The following AKAP13 variants were observed in gnomAD, a reference collection of about 807,000 sequenced individuals.
AKAP13 encodes the protein A-kinase anchor protein 13.
AKAP13 carries 80 observed loss-of-function variants against 264.5 expected under a neutral mutation model. The observed-to-expected ratio is 0.30, with a 90% CI of 0.25 to 0.36. AKAP13 has a LOEUF of 0.36. Ranked by LOEUF, AKAP13 falls within the 10% of genes least tolerant of loss-of-function variation. The pLI is 1.00. For missense variants in AKAP13, 3,712 were observed against 3,435.2 expected, an observed-to-expected ratio of 1.08 and a Z score of -2.01; for synonymous variants, 1,380 against 1,250.2, an observed-to-expected ratio of 1.10 and a Z score of -2.19.
At chr15:85,383,510 T>C (rs1465896072) in intron 1 of AKAP13, among the ~76,000 whole-genome samples, 1 of 152,226 alleles carries the variant, frequency 6.6e-6, no homozygotes, top group African/African-American at 2.4e-5. Context: ...ACTTAAGCAT[T>C]CTTAAAAGTC....
chr15:85,503,601 C>T (rs180854934), intron 2 of AKAP13, among the ~76,000 whole-genome samples: 6 of 152,222 alleles, frequency 3.9e-5, no homozygotes, highest in Non-Finnish European at 7.3e-5. Context: ...GCAGAGATGA[C>T]GATTGTGCAA....
intron 1 of AKAP13, among the ~76,000 whole-genome samples, chr15:85,395,871 A>G (rs537006149): frequency 1.8e-4 from 27 of 152,246 alleles, no homozygotes; most frequent in Middle Eastern, 6.8e-3. Context: ...TCACATGTCT[A>G]TCTTTCCTCC....
At position 85,477,225 on chromosome 15, in the gene AKAP13, A is replaced by G. The variant is rs193120854; in HGVS notation, c.-11-8485A>G. Reference sequence around the variant, plus strand: ...AATAGCATTTTAGGAAGGTTGAGTCAGAGGTGCGAGTGGGGCATAGAGAGA... The same window carrying G: ...AATAGCATTTTAGGAAGGTTGAGTCGGAGGTGCGAGTGGGGCATAGAGAGA... On this transcript the variant is annotated intron_variant, in intron 1 of 36. Transcript: ENST00000394518. Among the ~76,000 whole-genome samples, 561 of 151,982 alleles carry G rather than the reference A, an allele frequency of 3.7e-3. 5 individuals are homozygous for G. The highest frequency in any genetic ancestry group is 0.013 in the African/African-American group (532 of 41,468).
intron 7 of AKAP13, among the ~76,000 whole-genome samples, chr15:85,584,905 C>A (rs1275918531): frequency 6.6e-6 from 1 of 152,090 alleles, no homozygotes; most frequent in African/African-American, 2.4e-5. Flanking sequence ...TTTGACTGTT[C>A]AATCATGAGT....
chr15:85,642,397 T>G (rs762085872), intron 9 of AKAP13, among the ~76,000 whole-genome samples: 1 of 152,232 alleles, frequency 6.6e-6, no homozygotes, highest in East Asian at 1.9e-4. Context: ...TCTTTACTCT[T>G]GTTTACACTT....
rs139720467 is a variant in AKAP13, at chr15:85,737,086, T to C, written c.7557+952T>C. 4.9e-3 allele frequency among the ~76,000 whole-genome samples: 739 copies of C among 152,116 alleles called. 4 individuals carry two copies. Among genetic ancestry groups the C allele is most frequent in the African/African-American group, 0.017 (697 of 41,492 alleles). On this transcript the variant is annotated intron_variant, in intron 33 of 36. Coordinates refer to ENST00000394518, the MANE Select transcript of AKAP13 (RefSeq NM_007200.5). ...GGCATACGCCACTACACCTGACTAA[T>C]TTTTTGTATTTTTAGTAGAGACGAG... is the stretch of plus-strand genomic sequence containing the variant.
At chr15:85,493,900 C>G (rs2075801562) in intron 2 of AKAP13, among the ~76,000 whole-genome samples, 1 of 152,138 alleles carries the variant, frequency 6.6e-6, no homozygotes, top group Non-Finnish European at 1.5e-5. Flanking sequence ...CCATGTGTAT[C>G]CACAAAGGCA....
At chr15:85,381,342 T>C (rs371921631) in intron 1 of AKAP13, among the ~76,000 whole-genome samples, 1 of 151,492 alleles carries the variant, frequency 6.6e-6, no homozygotes, top group East Asian at 2.0e-4. Context: ...TCGGTGCCTC[T>C]CCGCGGCTTC....
At chr15:85,400,980 A>G (rs934144662) in intron 1 of AKAP13, among the ~76,000 whole-genome samples, 12 of 151,252 alleles carry the variant, frequency 7.9e-5, no homozygotes, top group African/African-American at 1.2e-4. Flanking sequence ...TCCTGCCTCA[A>G]CCTCCCAAGT....
chr15:85,451,274 G>A (rs75677156), intron 1 of AKAP13, among the ~76,000 whole-genome samples: 19,058 of 152,168 alleles, frequency 0.13, 1,562 homozygotes, highest in Non-Finnish European at 0.19. Context: ...TTCACTATGA[G>A]TGAGATGGGT....
chr15:85,637,487 CTG>C (rs2082114579), intron 8 of AKAP13, among the ~76,000 whole-genome samples: 1 of 152,158 alleles, frequency 6.6e-6, no homozygotes, highest in South Asian at 2.1e-4. Flanking sequence ...TGGTGTCACT[CTG>C]TAATTCCTGA....
intron 5 of AKAP13, among the ~76,000 whole-genome samples, chr15:85,571,786 C>T (rs1224832365): frequency 1.3e-5 from 2 of 152,184 alleles, no homozygotes; most frequent in Admixed American, 6.5e-5. Context: ...ATGGGACTTA[C>T]CCAGACCTGT....
chr15:85,672,050 C>T (rs2083959256), intron 14 of AKAP13, among the ~76,000 whole-genome samples: 1 of 152,204 alleles, frequency 6.6e-6, no homozygotes, highest in Non-Finnish European at 1.5e-5. Context: ...AAGCGCTATT[C>T]TAGAGGTTCT....
In AKAP13 at chr15:85,581,325, A is replaced by G. The variant is rs1252966321; in HGVS notation, c.3257A>G (p.Asp1086Gly). The G allele has an allele frequency of 1.2e-6, 2 of 1,614,190 alleles. No individual in the cohort carries two copies. Among genetic ancestry groups the G allele is most frequent in the South Asian group, 1.1e-5 (1 of 91,088 alleles). Residue 1086 changes from aspartate to glycine, a missense_variant, in exon 7 of 37, where the codon GAT (aspartate) becomes GGT (glycine). Asp to Gly is a moderately conservative substitution (Grantham distance 94). This residue lies in a region of AKAP13 where 2,759 missense variants were observed against 2,411.7 expected (regional missense o/e 1.14). Coordinates refer to ENST00000394518, the MANE Select transcript of AKAP13 (RefSeq NM_007200.5). Reference protein sequence around the residue: ...GKTSACEVSGDVTVDVTGVNA... With the variant: ...GKTSACEVSGGVTVDVTGVNA... ...ACTAGTGCCTGTGAGGTGAGTGGAGATGTGACGGTGGATGTTACAGGGGTT... is the reference window on the plus strand; with the variant it reads ...ACTAGTGCCTGTGAGGTGAGTGGAGGTGTGACGGTGGATGTTACAGGGGTT...
chr15:85,574,431 G>T (rs1359539892), intron 5 of AKAP13, among the ~76,000 whole-genome samples: 2 of 152,214 alleles, frequency 1.3e-5, no homozygotes, highest in East Asian at 3.8e-4. Context: ...GTTCAAATCA[G>T]TTGGCGTATA....
intron 30 of AKAP13, among the ~76,000 whole-genome samples, chr15:85,732,864 A>G (rs1208470814): frequency 6.6e-6 from 1 of 151,748 alleles, no homozygotes; most frequent in African/African-American, 2.4e-5. Flanking sequence ...TAATAGTATT[A>G]CTAACACTAT....
intron 8 of AKAP13, among the ~76,000 whole-genome samples, chr15:85,601,342 A>G (rs1024552344): frequency 1.3e-5 from 2 of 152,150 alleles, no homozygotes; most frequent in Non-Finnish European, 2.9e-5. Context: ...TCAGAAAACC[A>G]TCTCTGTTTA....
intron 15 of AKAP13, 24 bp from the exon 16 acceptor site, chr15:85,684,717 A>G (rs2084799673): frequency 1.9e-6 from 3 of 1,597,044 alleles, no homozygotes; most frequent in Non-Finnish European, 1.7e-6. Context: ...TTTAAAAAAA[A>G]TCAATCTTCT....
chr15:85,577,622 A>G (rs1165315018), intron 6 of AKAP13: 10 of 173,474 alleles, frequency 5.8e-5, no homozygotes, highest in Non-Finnish European at 1.1e-4. Flanking sequence ...TGTTGGTTAT[A>G]TCTGTTTATA....
Sources: allele counts gnomAD v4.1 joint callset (sites outside exome capture counted in the v4.1 genomes callset), GRCh38; gene constraint gnomAD v4.1.1; regional missense constraint gnomAD v4.1.1; transcripts MANE v1.5; gene names NCBI Gene and HGNC (gene_info 2026-07-23, HGNC 2026-07-21).